Variants in ACACA observed in about 807,000 individuals in gnomAD.
ACACA encodes the protein acetyl-CoA carboxylase alpha, also known as acetyl-CoA carboxylase 1.
A neutral mutation model predicts 296.1 loss-of-function variants in ACACA; 103 were observed. That is an observed-to-expected ratio of 0.35 (90% CI 0.30 to 0.41). ACACA has a LOEUF of 0.41. Ranked by LOEUF, ACACA falls within the 10% of genes least tolerant of loss-of-function variation. ACACA has a pLI of 1.00. For synonymous variants in ACACA, 953 were observed against 1,038.6 expected, an observed-to-expected ratio of 0.92 and a Z score of 1.58; for missense variants, 1,554 against 2,989.7, an observed-to-expected ratio of 0.52 and a Z score of 11.20.
At chr17:37,100,823 G>A (rs1310107133) in intron 52 of ACACA, among the ~76,000 whole-genome samples, 2 of 152,104 alleles carry the variant, frequency 1.3e-5, no homozygotes, top group Non-Finnish European at 1.5e-5. Flanking sequence ...AGGGCCAGGC[G>A]GGGTGGCTCA....
Position 37,206,782 on chromosome 17 carries a change from C to T in ACACA, c.3948+1G>A. The T allele has an allele frequency of 6.2e-7, 1 of 1,602,504 alleles. No homozygotes were observed. The highest frequency in any genetic ancestry group is 8.6e-7 in the Non-Finnish European group (1 of 1,169,504). On this transcript the variant is annotated splice_donor_variant, in intron 32 of 55. Coordinates refer to ENST00000616317, the MANE Select transcript of ACACA (RefSeq NM_198834.3). LOFTEE classifies it high-confidence loss of function. Reference sequence around the variant, plus strand: ...GCAGTCTCCCAAAAGGGACATTATACCTTATCCTCATCATAAAGAGACGTG... The same window carrying T: ...GCAGTCTCCCAAAAGGGACATTATATCTTATCCTCATCATAAAGAGACGTG...
chr17:37,275,899 T>C, intron 8 of ACACA, 52 bp downstream of exon 8: 1 of 1,472,208 alleles, frequency 6.8e-7, no homozygotes, highest in Non-Finnish European at 9.5e-7. Flanking sequence ...GTCCCAAATA[T>C]CCTACTGAGC....
At chr17:37,300,552 C>G (rs942869972) in intron 3 of ACACA, among the ~76,000 whole-genome samples, 3 of 152,120 alleles carry the variant, frequency 2.0e-5, no homozygotes, top group African/African-American at 7.2e-5. Context: ...GCCAACCACG[C>G]TGAGAATATA....
chr17:37,148,300 T>C (rs916835988), intron 45 of ACACA, among the ~76,000 whole-genome samples: 7 of 151,428 alleles, frequency 4.6e-5, no homozygotes, highest in Non-Finnish European at 7.4e-5. Flanking sequence ...TCTTCAGTAG[T>C]AGTGGTTCAC....
At chr17:37,301,908 G>T (rs2083635782) in intron 3 of ACACA, among the ~76,000 whole-genome samples, 1 of 152,296 alleles carries the variant, frequency 6.6e-6, no homozygotes, top group African/African-American at 2.4e-5. Flanking sequence ...GAGAACTGCT[G>T]TCTTGACAAT....
intron 54 of ACACA, among the ~76,000 whole-genome samples, chr17:37,090,479 C>T (rs2072542673): frequency 6.6e-6 from 1 of 152,144 alleles, no homozygotes; most frequent in Non-Finnish European, 1.5e-5. Flanking sequence ...AGTTCTGTAT[C>T]TAATCACTGA....
intron 1 of ACACA, chr17:37,389,512 C>T (rs1428194046): frequency 6.8e-6 from 8 of 1,181,396 alleles, no homozygotes; most frequent in Admixed American, 3.1e-5. Context: ...ACCAACATGA[C>T]GAAACCCTGT....
intron 5 of ACACA, 48 bp from the exon 6 acceptor site, chr17:37,278,053 G>T: frequency 7.0e-7 from 1 of 1,427,052 alleles, no homozygotes; most frequent in Non-Finnish European, 9.9e-7. Context: ...TTTTTTTCCA[G>T]AAATATAATT....
At chr17:37,181,084 G>C in intron 40 of ACACA, 117 bp downstream of exon 40, 1 of 1,070,438 alleles carries the variant, frequency 9.3e-7, no homozygotes, top group East Asian at 2.4e-5. Flanking sequence ...TGAAAACAGT[G>C]TCAAGATATT....
At chr17:37,201,100 G>A (rs1483481967) in intron 33 of ACACA, among the ~76,000 whole-genome samples, 3 of 152,078 alleles carry the variant, frequency 2.0e-5, no homozygotes, top group Non-Finnish European at 4.4e-5. Flanking sequence ...TTTAAATTTA[G>A]GAACTATTCA....
chr17:37,200,330 A>G (rs2078188734), intron 34 of ACACA, 97 bp downstream of exon 34: 8 of 1,391,380 alleles, frequency 5.7e-6, no homozygotes, highest in Non-Finnish European at 8.2e-6. Flanking sequence ...TTCTCTGCAT[A>G]AATCCTATTA....
chr17:37,381,683 A>G (rs990363594), intron 1 of ACACA, among the ~76,000 whole-genome samples: 1 of 137,668 alleles, frequency 7.3e-6, no homozygotes. Flanking sequence ...GCTGGAGTGC[A>G]GTGGTGCGAT....
At chr17:37,150,988 G>C (rs541549948) in intron 44 of ACACA, among the ~76,000 whole-genome samples, 2 of 151,910 alleles carry the variant, frequency 1.3e-5, no homozygotes, top group East Asian at 3.9e-4. Flanking sequence ...GGAGGCGGAG[G>C]TTGCAGTGAG....
At chr17:37,385,946 A>C in intron 1 of ACACA, 1 of 1,165,584 alleles carries the variant, frequency 8.6e-7, no homozygotes, top group South Asian at 1.4e-5. Context: ...GTTTCATCAG[A>C]TAAAACCAAA....
At chr17:37,103,471 AGG>A (rs1367186668) in intron 52 of ACACA, among the ~76,000 whole-genome samples, 1 of 152,184 alleles carries the variant, frequency 6.6e-6, no homozygotes, top group African/African-American at 2.4e-5. Context: ...GCAGGGCCTC[AGG>A]GATTTTAGGA....
chr17:37,201,859 T>A (rs574900513), intron 33 of ACACA, among the ~76,000 whole-genome samples: 18 of 152,210 alleles, frequency 1.2e-4, no homozygotes, highest in Non-Finnish European at 2.6e-4. Context: ...CATTCTTGGG[T>A]TATTTCTTCC....
intron 3 of ACACA, among the ~76,000 whole-genome samples, chr17:37,314,104 C>CT (rs34202919): frequency 0.13 from 17,337 of 133,898 alleles, 3,343 homozygotes; most frequent in African/African-American, 0.41. Context: ...ACTATATATT[C>CT]TTTTTTTTTT....
Position 37,406,527 on chromosome 17 carries a change from G to T in ACACA, c.-228C>A. The T allele has an allele frequency of 3.2e-6, 2 of 617,526 alleles. No homozygotes were observed. 38.3% of individuals were successfully genotyped at this position (617,526 alleles called of 1,614,324 possible). A position where few individuals can be genotyped will look rare whatever the true frequency, so the allele number is the denominator to read the frequency against. On this transcript the variant is annotated 5_prime_UTR_variant, in exon 1 of 56. Coordinates refer to ENST00000616317, the MANE Select transcript of ACACA (RefSeq NM_198834.3). ...TCCCTCAGCCTCAATTTCCCTTGCT[G>T]CAACAGGGGTGGAGATGGGAACGTT...
In ACACA at chr17:37,097,591, C is replaced by T. The variant is rs2073069716; in HGVS notation, c.6720+239G>A. Among the ~76,000 whole-genome samples, 1 of 152,222 alleles carries T rather than the reference C, an allele frequency of 6.6e-6. No individual in the cohort carries two copies. Among genetic ancestry groups the T allele is most frequent in the Non-Finnish European group, 1.5e-5 (1 of 68,032 alleles). On this transcript the variant is annotated intron_variant, in intron 53 of 55. Transcript: ENST00000616317. This position sits in a 1 kb window ranked among gnomAD's most constrained non-coding sequence, Gnocchi z 4.8. ...TGAAGTCACATGTGACTCAGTTTCC[C>T]ACCAGTAAAATGCAGCTTGCCTCCT...
Sources: gnomAD v4.1 joint callset for allele counts (sites outside exome capture counted in the v4.1 genomes callset) on GRCh38, gnomAD v4.1.1 for gene constraint, Gnocchi (gnomAD v3.1) non-coding constraint, MANE v1.5 for transcripts, NCBI Gene and HGNC (gene_info 2026-07-23, HGNC 2026-07-21) for gene names.